MBP: variants seen among roughly 807,000 people sequenced by gnomAD.
The protein encoded by MBP is Golli-MBP.
MBP carries 16 observed loss-of-function variants against 35.8 expected under a neutral mutation model. The ratio of observed to expected loss-of-function variants is 0.45; its 90% CI spans 0.30 to 0.68. The LOEUF is 0.68. Ranked by LOEUF, MBP falls within the 30% of genes least tolerant of loss-of-function variation. The pLI, the probability that MBP is intolerant of heterozygous loss-of-function variation, is 0.08. For missense variants in MBP, 380 were observed against 404.7 expected, an observed-to-expected ratio of 0.94 and a Z score of 0.52; for synonymous variants, 143 against 159.6, an observed-to-expected ratio of 0.90 and a Z score of 0.78.
intron 2 of MBP, among the ~76,000 whole-genome samples, chr18:77,083,889 G>T (rs1975082885): frequency 6.6e-6 from 1 of 152,158 alleles, no homozygotes; most frequent in Admixed American, 6.5e-5. Flanking sequence ...TCTTTTGGAG[G>T]TGAAGTCAAT....
At chr18:77,039,992 CG>C (rs1176681758) in intron 3 of MBP, among the ~76,000 whole-genome samples, 37 of 152,224 alleles carry the variant, frequency 2.4e-4, no homozygotes, top group African/African-American at 7.9e-4. Context: ...TTTCATTGTT[CG>C]TAGAGTAGGA....
intron 3 of MBP, among the ~76,000 whole-genome samples, chr18:77,050,727 G>T (rs1973454871): frequency 6.6e-6 from 1 of 152,144 alleles, no homozygotes; most frequent in Non-Finnish European, 1.5e-5. Flanking sequence ...TGTATTTTTA[G>T]TACAGATGGG....
At chr18:77,066,573 T>C (rs771920764) in intron 2 of MBP, 188 bp from the exon 3 acceptor site, 1 of 758,192 alleles carries the variant, frequency 1.3e-6, no homozygotes, top group African/African-American at 1.7e-5. Flanking sequence ...TTCTGGCTTG[T>C]TTTCTCTGCC....
chr18:77,052,015 A>G (rs1025006177), intron 3 of MBP, among the ~76,000 whole-genome samples: 4 of 152,178 alleles, frequency 2.6e-5, no homozygotes, highest in Non-Finnish European at 4.4e-5. Flanking sequence ...AAAAAAGGTT[A>G]TGGTGAAGCC....
At chr18:77,098,732 G>A (rs956710036) in intron 2 of MBP, among the ~76,000 whole-genome samples, 18 of 152,164 alleles carry the variant, frequency 1.2e-4, no homozygotes, top group African/African-American at 4.3e-4. Flanking sequence ...TTGAGGCACC[G>A]CCAAGGCAGG....
intron 3 of MBP, among the ~76,000 whole-genome samples, chr18:77,043,925 C>T (rs1973114477): frequency 6.6e-6 from 1 of 151,930 alleles, no homozygotes; most frequent in South Asian, 2.1e-4. Context: ...GGATCTGGTC[C>T]CAGCCATTCT....
chr18:77,043,918 T>G (rs1380168642), intron 3 of MBP, among the ~76,000 whole-genome samples: 1 of 151,864 alleles, frequency 6.6e-6, no homozygotes, highest in Non-Finnish European at 1.5e-5. Flanking sequence ...CCAGGCCGGA[T>G]CTGGTCCCAG....
chr18:77,092,504 G>T (rs1443369214), intron 2 of MBP, among the ~76,000 whole-genome samples: 1 of 152,182 alleles, frequency 6.6e-6, no homozygotes, highest in African/African-American at 2.4e-5. Context: ...GAATTCGTCC[G>T]CAGAGATGCA....
intron 2 of MBP, among the ~76,000 whole-genome samples, chr18:77,100,442 T>C (rs1459880511): frequency 6.6e-6 from 1 of 152,154 alleles, no homozygotes; most frequent in African/African-American, 2.4e-5. Flanking sequence ...GTAGACAATG[T>C]CTGCAAAGTC....
At chr18:77,056,330 G>A (rs1276039809) in intron 3 of MBP, among the ~76,000 whole-genome samples, 1 of 152,182 alleles carries the variant, frequency 6.6e-6, no homozygotes, top group Non-Finnish European at 1.5e-5. Flanking sequence ...AGGTTTTGTA[G>A]GACTCTCAGC....
At chr18:77,111,529 G>A (rs886507989) in intron 1 of MBP, among the ~76,000 whole-genome samples, 3 of 152,242 alleles carry the variant, frequency 2.0e-5, no homozygotes, top group Admixed American at 2.0e-4. Flanking sequence ...CTGCAGGAAG[G>A]AGACCCCCAC....
At chr18:76,997,721 C>T (rs111238791) in intron 4 of MBP, among the ~76,000 whole-genome samples, 27 of 150,466 alleles carry the variant, frequency 1.8e-4, no homozygotes, top group East Asian at 4.0e-4. Context: ...CTCACTTTGT[C>T]CCCCAGGCTG....
Position 76,993,307 on chromosome 18 carries a change from C to T in MBP, c.577-3247G>A, listed in dbSNP as rs534252424. Among the ~76,000 whole-genome samples the T allele has an allele frequency of 3.9e-5, 6 of 152,300 alleles. No homozygotes were observed. The East Asian group carries it at 9.7e-4, about 25-fold the overall frequency. ...GTGGCTCGTGCCTGTAATCCTAGCACTTTGGGAGGCCGAGGCGGGCAGATT... is the reference window on the plus strand; with the variant it reads ...GTGGCTCGTGCCTGTAATCCTAGCATTTTGGGAGGCCGAGGCGGGCAGATT... On this transcript the variant is annotated intron_variant, in intron 4 of 8. Transcript: ENST00000355994.
chr18:77,089,545 G>A (rs1012529905), intron 2 of MBP, among the ~76,000 whole-genome samples: 8 of 152,226 alleles, frequency 5.3e-5, no homozygotes, highest in Admixed American at 2.0e-4. Flanking sequence ...CAGAGCCTCC[G>A]CCTCAGGCAG....
chr18:77,098,329 C>A (rs1242137981), intron 2 of MBP, among the ~76,000 whole-genome samples: 1 of 152,048 alleles, frequency 6.6e-6, no homozygotes, highest in Non-Finnish European at 1.5e-5. Context: ...CTTAAGTAAG[C>A]ACAGAGAGAG....
intron 2 of MBP, among the ~76,000 whole-genome samples, chr18:77,081,389 GA>G (rs748335574): frequency 4.6e-5 from 7 of 152,082 alleles, no homozygotes; most frequent in South Asian, 2.1e-4. Context: ...GAAAGATGGG[GA>G]AAAAATTTGA....
intron 3 of MBP, 47 bp from the exon 4 acceptor site, chr18:77,017,315 C>T: frequency 6.8e-7 from 1 of 1,467,384 alleles, no homozygotes; most frequent in Non-Finnish European, 9.0e-7. Context: ...CAAAGCTGAG[C>T]ACCGGACAAA....
chr18:77,088,794 A>G, intron 2 of MBP, among the ~76,000 whole-genome samples: 1 of 152,208 alleles, frequency 6.6e-6, no homozygotes, highest in East Asian at 1.9e-4. Flanking sequence ...TTTTCCCCCA[A>G]AAATAATATG....
intron 2 of MBP, among the ~76,000 whole-genome samples, chr18:77,067,386 G>A (rs1402162593): frequency 6.6e-6 from 1 of 152,138 alleles, no homozygotes; most frequent in Non-Finnish European, 1.5e-5. Flanking sequence ...AGGGAAAGAG[G>A]GATCCTGGAG....
Sources: allele counts gnomAD v4.1 joint callset (sites outside exome capture counted in the v4.1 genomes callset), GRCh38; gene constraint gnomAD v4.1.1; transcripts MANE v1.5; gene names NCBI Gene and HGNC (gene_info 2026-07-23, HGNC 2026-07-21).